The following CPB1 variants were observed in gnomAD, a reference collection of about 807,000 sequenced individuals.
CPB1 encodes carboxypeptidase B.
CPB1 carries 53 observed loss-of-function variants against 51.4 expected under a neutral mutation model. The ratio of observed to expected loss-of-function variants is 1.03; its 90% confidence interval spans 0.83 to 1.30. The LOEUF (loss-of-function observed/expected upper bound fraction) is 1.30, where lower values mean the gene tolerates loss of function less well. CPB1 is among the 50% of genes most tolerant of loss of function. The pLI is 0.00. For synonymous variants in CPB1, 189 were observed against 186.9 expected (o/e 1.01, Z -0.09); for missense variants, 494 against 516.2 (o/e 0.96, Z 0.42).
intron 3 of CPB1, among the ~76,000 whole-genome samples, chr3:148,840,081 T>C (rs1713030934): frequency 6.6e-6 from 1 of 152,168 alleles, no homozygotes; most frequent in South Asian, 2.1e-4. Flanking sequence ...TTAGATTACT[T>C]AACCCACCCA....
At chr3:148,853,519 C>G (rs1039074866) in intron 9 of CPB1, among the ~76,000 whole-genome samples, 27 of 152,196 alleles carry the variant, frequency 1.8e-4, no homozygotes, top group African/African-American at 4.8e-4. Flanking sequence ...GTCTTTTGCT[C>G]TAGGACCAAG....
At chr3:148,856,868 CT>C (rs1713580276) in intron 9 of CPB1, 1 of 152,194 alleles carries the variant, frequency 6.6e-6, no homozygotes, top group Non-Finnish European at 1.5e-5. Flanking sequence ...TATTCTCTAA[CT>C]TTTTAGTCTA....
At chr3:148,828,848 T>C (rs1052939967) in intron 2 of CPB1, among the ~76,000 whole-genome samples, 8 of 152,118 alleles carry the variant, frequency 5.3e-5, no homozygotes, top group Non-Finnish European at 5.9e-5. Context: ...TTTTAAGGCA[T>C]AGAGGAAGGA....
chr3:148,854,008 T>C (rs1713503522), intron 9 of CPB1: 1 of 152,202 alleles, frequency 6.6e-6, no homozygotes, highest in Admixed American at 6.5e-5. Context: ...TCATCACTAA[T>C]TGGAGTTTCA....
intron 9 of CPB1, among the ~76,000 whole-genome samples, chr3:148,846,795 G>GTA (rs1713258638): frequency 7.4e-5 from 3 of 40,470 alleles, no homozygotes; most frequent in East Asian, 5.7e-4. Context: ...GTGTGTGCGT[G>GTA]TGTATATATA....
rs1256617523 is a variant in CPB1, at chr3:148,840,641, A to G, written c.273-45A>G. Reference sequence around the variant, plus strand: ...GGTTTTATGTGTGTTCACTGGAGAAAAATACACTTATGTTCATAGGAACAC... The same window carrying G: ...GGTTTTATGTGTGTTCACTGGAGAAGAATACACTTATGTTCATAGGAACAC... On this transcript the variant is annotated intron_variant, in intron 3 of 10. Transcript: ENST00000282957. 2.8e-5 allele frequency: 44 copies of G among 1,559,078 alleles called. 1 individual carries two copies. The highest frequency in any genetic ancestry group is 3.9e-5 in the Non-Finnish European group (44 of 1,129,928).
At position 148,859,985 on chromosome 3, in the gene CPB1, C is replaced by G; in HGVS notation, c.1237C>G (p.Leu413Val). The change falls in exon 11 of 11, where the codon CTG becomes GTG. Residue 413 changes from leucine (L) to valine (V), a missense_variant. Leu to Val is a conservative substitution (Grantham distance 32, BLOSUM62 1). Transcript: ENST00000282957. Reference sequence around the variant, plus strand: ...AATCAAGTATGTTGCCAGCTACGTCCTGGAACACCTGTACTAGTTGAGAAA... The same window carrying G: ...AATCAAGTATGTTGCCAGCTACGTCGTGGAACACCTGTACTAGTTGAGAAA... ...LAIKYVASYV[L>V]EHLY 6.2e-7 allele frequency: 1 copy of G among 1,614,050 alleles called. No homozygotes were observed. Among genetic ancestry groups the G allele is most frequent in the Non-Finnish European group, 8.5e-7 (1 of 1,179,942 alleles).
At chr3:148,848,568 A>C (rs1713325188) in intron 9 of CPB1, among the ~76,000 whole-genome samples, 1 of 152,158 alleles carries the variant, frequency 6.6e-6, no homozygotes, top group South Asian at 2.1e-4. Context: ...GACTAGACTA[A>C]AGGAAATTAT....
chr3:148,848,408 A>G (rs1468464604), intron 9 of CPB1, among the ~76,000 whole-genome samples: 1 of 152,174 alleles, frequency 6.6e-6, no homozygotes, highest in Non-Finnish European at 1.5e-5. Flanking sequence ...GATTTCTTGC[A>G]TCATACCACA....
At chr3:148,838,594 A>AGTTTTCCTCCAC (rs1210890232) in intron 3 of CPB1, among the ~76,000 whole-genome samples, 1 of 151,782 alleles carries the variant, frequency 6.6e-6, no homozygotes, top group African/African-American at 2.4e-5. Flanking sequence ...ACTATTTTTT[A>AGTTTTCCTCCAC]GTTTTCCTCC....
Position 148,841,923 on chromosome 3 carries a change from A to G in CPB1, c.575A>G (p.Glu192Gly). The G allele has an allele frequency of 6.2e-7, 1 of 1,609,152 alleles. No homozygotes were observed. Among genetic ancestry groups the G allele is most frequent in the Non-Finnish European group, 8.5e-7 (1 of 1,175,590 alleles). Residue 192 changes from glutamate to glycine, a missense_variant and splice_region_variant, in exon 6 of 11, where the codon GAG becomes GGG. Glu to Gly is a moderately conservative substitution (Grantham distance 98). Transcript: ENST00000282957. ...SPAFCQWFVR[E>G]AVRTYGREIQ... is the part of the protein sequence containing the mutation. The stretch of plus-strand genomic sequence containing the variant: ...GCATTCTGCCAGTGGTTTGTAAGAG[A>G]GGTCAGTGTGTAGAGTGGTTTTTGG...
chr3:148,845,176 G>A (rs1002678444), intron 8 of CPB1, among the ~76,000 whole-genome samples: 4 of 152,082 alleles, frequency 2.6e-5, no homozygotes, highest in Non-Finnish European at 5.9e-5. Context: ...ATATCATTGT[G>A]TAATACTACA....
intron 9 of CPB1, among the ~76,000 whole-genome samples, chr3:148,852,991 T>A (rs537464734): frequency 6.6e-6 from 1 of 152,340 alleles, no homozygotes; most frequent in South Asian, 2.1e-4. Context: ...TAAGGGCTTC[T>A]TCTTTTGCAC....
chr3:148,853,081 C>T (rs533688491), intron 9 of CPB1, among the ~76,000 whole-genome samples: 12 of 152,314 alleles, frequency 7.9e-5, no homozygotes, highest in African/African-American at 2.2e-4. Context: ...AAGGAAACTG[C>T]AGTTAAGGAT....
At chr3:148,844,453 A>G in intron 6 of CPB1, 25 bp from the exon 7 acceptor site, 1 of 1,551,988 alleles carries the variant, frequency 6.4e-7, no homozygotes, top group Non-Finnish European at 8.9e-7. Flanking sequence ...TTTCCATGAA[A>G]TTCCTCTTCA....
chr3:148,827,945 AATTTGGACAC>A (rs1305721290), intron 1 of CPB1, 47 bp from the exon 2 acceptor site: 2 of 1,612,684 alleles, frequency 1.2e-6, no homozygotes, highest in Non-Finnish European at 1.7e-6. Context: ...CTAGCCCCCA[AATTTGGACAC>A]ATTACTCATT....
chr3:148,830,588 T>C (rs78295081), intron 2 of CPB1, among the ~76,000 whole-genome samples: 11 of 152,340 alleles, frequency 7.2e-5, no homozygotes, highest in Admixed American at 6.5e-4. Flanking sequence ...GTCTGGGATT[T>C]TGAATACAAT....
At position 148,845,433 on chromosome 3, in the gene CPB1, C is replaced by T; in HGVS notation, c.788C>T (p.Ala263Val). Residue 263 changes from alanine (A) to valine (V), a missense_variant, in exon 9 of 11, where the codon GCC becomes GTC. By Grantham distance (64) the Ala-to-Val change is moderately conservative (BLOSUM62 0). Coordinates refer to ENST00000282957, the MANE Select transcript of CPB1 (RefSeq NM_001871.3). ...TCATATGTTTTTCCAGAAATTGGAG[C>T]CTCTCGAAACCCCTGTGATGAAACT... Reference protein sequence around the residue: ...NFDAGWCEIGASRNPCDETYC... With the variant: ...NFDAGWCEIGVSRNPCDETYC... 1 of 1,613,732 alleles carries T rather than the reference C, an allele frequency of 6.2e-7. No homozygotes were observed. The highest frequency in any genetic ancestry group is 8.5e-7 in the Non-Finnish European group (1 of 1,179,726).
At chr3:148,827,935 C>A in intron 1 of CPB1, 41 bp downstream of exon 1, 1 of 1,612,494 alleles carries the variant, frequency 6.2e-7, no homozygotes, top group South Asian at 1.1e-5. Flanking sequence ...TTCTTCCTTG[C>A]TAGCCCCCAA....
Sources: allele counts gnomAD v4.1 joint callset (sites outside exome capture counted in the v4.1 genomes callset), GRCh38; gene constraint gnomAD v4.1.1; transcripts MANE v1.5; gene names NCBI Gene and HGNC (gene_info 2026-07-23, HGNC 2026-07-21).